The following TNFAIP8L3 variants were observed in gnomAD, a reference collection of about 807,000 sequenced individuals.
TNFAIP8L3 encodes the protein tumor necrosis factor alpha-induced protein 8-like protein 3.
In TNFAIP8L3, 7 loss-of-function variants were observed where a neutral mutation model predicts 11.8. The observed-to-expected ratio is 0.59, with a 90% CI of 0.34 to 1.11. The LOEUF (loss-of-function observed/expected upper bound fraction) is 1.11. TNFAIP8L3 is among the 50% of genes most tolerant of loss of function. The pLI, the probability that TNFAIP8L3 is intolerant of heterozygous loss-of-function variation, is 0.03. For synonymous variants in TNFAIP8L3, 98 were observed against 103.8 expected (o/e 0.94, Z 0.34); for missense variants, 219 against 258.6 (o/e 0.85, Z 1.05).
In TNFAIP8L3 at chr15:51,056,895, T is replaced by A. The variant is rs1047446604; in HGVS notation, c.*986A>T. 2.6e-5 allele frequency: 4 copies of A among 151,656 alleles called. No homozygotes were observed. Among genetic ancestry groups the A allele is most frequent in the African/African-American group, 4.9e-5 (2 of 41,184 alleles). 9.4% of individuals were successfully genotyped at this position (151,656 alleles called of 1,614,324 possible). ...CTAAGACCTCAAAAACACCTCTTTT[T>A]AAAAAAATTATTATTATTATTATTA... On this transcript the variant is annotated 3_prime_UTR_variant, in exon 2 of 2. Coordinates refer to ENST00000637513, the MANE Select transcript of TNFAIP8L3 (RefSeq NM_001311175.2).
intron 1 of TNFAIP8L3, among the ~76,000 whole-genome samples, chr15:51,061,262 C>G (rs1008027920): frequency 6.6e-6 from 1 of 152,130 alleles, no homozygotes; most frequent in Non-Finnish European, 1.5e-5. Flanking sequence ...TGTCTCAGCC[C>G]CAAGTAGCTG....
chr15:51,058,190 C>T lies in TNFAIP8L3; in HGVS notation c.306G>A (p.Leu102=), dbSNP rs752023620. 14 of 1,614,098 alleles carry T rather than the reference C, an allele frequency of 8.7e-6. No homozygotes were observed. In the East Asian group the frequency reaches 8.9e-5, roughly 10 times the overall value. The change falls in exon 2 of 2, where the codon CTG becomes CTA. Residue 102 remains leucine, a synonymous_variant. Transcript: ENST00000637513. ...TCTTCCGGAACTTCTCCACAATAAC[C>T]AGCTCCTCTTGGCTAAACTGGTTGT... ...YRNNQFSQEE[L]VIVEKFRKKL... is the part of the protein sequence containing the mutation.
At chr15:51,063,696 A>C (rs2065253580) in intron 1 of TNFAIP8L3, among the ~76,000 whole-genome samples, 1 of 152,236 alleles carries the variant, frequency 6.6e-6, no homozygotes, top group Non-Finnish European at 1.5e-5. Flanking sequence ...GGATATCCCG[A>C]GAAAAGTATT....
At chr15:51,064,335 C>A (rs909457783) in intron 1 of TNFAIP8L3, among the ~76,000 whole-genome samples, 1 of 152,082 alleles carries the variant, frequency 6.6e-6, no homozygotes, top group Non-Finnish European at 1.5e-5. Flanking sequence ...TTGTAGATGA[C>A]AATATATCAT....
chr15:51,067,628 G>A (rs1240067179), intron 1 of TNFAIP8L3, among the ~76,000 whole-genome samples: 1 of 152,210 alleles, frequency 6.6e-6, no homozygotes, highest in East Asian at 1.9e-4. Context: ...GTGGGGAGAG[G>A]TGCTTAGTCT....
intron 1 of TNFAIP8L3, among the ~76,000 whole-genome samples, chr15:51,100,704 A>G (rs562706311): frequency 1.3e-5 from 2 of 152,156 alleles, no homozygotes; most frequent in South Asian, 2.1e-4. Context: ...GGGAATCAAG[A>G]TGATGAAAGA....
chr15:51,083,267 C>T (rs2065404825), intron 1 of TNFAIP8L3, among the ~76,000 whole-genome samples: 1 of 152,106 alleles, frequency 6.6e-6, no homozygotes, highest in African/African-American at 2.4e-5. Context: ...AATATCACAC[C>T]ACTCCTCAAT....
rs1004636588 is a variant in TNFAIP8L3, at chr15:51,058,334, G to A, written c.162C>T (p.Ser54=). 14 of 1,613,978 alleles carry A rather than the reference G, an allele frequency of 8.7e-6. No individual in the cohort carries two copies. The highest frequency in any genetic ancestry group is 5.3e-5 in the African/African-American group (4 of 74,890). The stretch of plus-strand genomic sequence containing the variant: ...CTTTGTAGAGCTCATCAAAGATCTC[G>A]CTGCTGGTGTCATCAATCAACATGT... The part of the protein sequence containing the change: ...VANMLIDDTS[S]EIFDELYKVT... Residue 54 remains serine (S), a synonymous_variant, in exon 2 of 2, where the codon AGC becomes AGT. Coordinates refer to ENST00000637513, the MANE Select transcript of TNFAIP8L3 (RefSeq NM_001311175.2).
upstream of TNFAIP8L3, among the ~76,000 whole-genome samples, chr15:51,094,991 C>G (rs1449371260): frequency 6.6e-6 from 1 of 150,648 alleles, no homozygotes; most frequent in Non-Finnish European, 1.5e-5. This position sits in a 1 kb window ranked among gnomAD's most constrained non-coding sequence, Gnocchi z 4.4. Context: ...AGCCCTTGGA[C>G]TTGCCTCGCG....
chr15:51,069,625 T>G (rs1259847260), intron 1 of TNFAIP8L3: 3 of 152,222 alleles, frequency 2.0e-5, no homozygotes, highest in Non-Finnish European at 2.9e-5. Flanking sequence ...CAATTAATGA[T>G]AATGTCAGAG....
At chr15:51,071,924 T>G (rs1352309829) in intron 1 of TNFAIP8L3, among the ~76,000 whole-genome samples, 1 of 152,212 alleles carries the variant, frequency 6.6e-6, no homozygotes, top group African/African-American at 2.4e-5. Flanking sequence ...CTGGTGAGAG[T>G]CAATGTATTT....
Position 51,065,970 on chromosome 15 carries a change from T to G in TNFAIP8L3, c.53-7527A>C, listed in dbSNP as rs530265397. Among the ~76,000 whole-genome samples the G allele has an allele frequency of 1.7e-3, 262 of 150,250 alleles. 1 individual carries two copies. Among genetic ancestry groups the G allele is most frequent in the South Asian group, 3.6e-3 (17 of 4,742 alleles). On this transcript the variant is annotated intron_variant, in intron 1 of 1. Coordinates refer to ENST00000637513, the MANE Select transcript of TNFAIP8L3 (RefSeq NM_001311175.2). ...CAGGGGACCCAAAAGACAGGGAAGG[T>G]GGGAGGAAAGGCCCAAGGGGTGGGG...
chr15:51,071,113 T>C (rs2065306421), intron 1 of TNFAIP8L3, among the ~76,000 whole-genome samples: 1 of 127,298 alleles, frequency 7.9e-6, no homozygotes, highest in Non-Finnish European at 1.7e-5. Context: ...TTCAAACATA[T>C]AAATAGATAA....
At chr15:51,092,474 C>T (rs1477934516) in intron 1 of TNFAIP8L3, among the ~76,000 whole-genome samples, 1 of 152,342 alleles carries the variant, frequency 6.6e-6, no homozygotes, top group Non-Finnish European at 1.5e-5. Flanking sequence ...CAGGAGAATA[C>T]TTTAAGATGG....
intron 1 of TNFAIP8L3, among the ~76,000 whole-genome samples, chr15:51,080,389 C>T (rs148358190): frequency 1.2e-4 from 19 of 152,174 alleles, no homozygotes; most frequent in African/African-American, 4.6e-4. Flanking sequence ...GGTTCAAACA[C>T]ATCAACTAAT....
chr15:51,066,001 G>T (rs1401173154), intron 1 of TNFAIP8L3, among the ~76,000 whole-genome samples: 1 of 151,888 alleles, frequency 6.6e-6, no homozygotes, highest in East Asian at 1.9e-4. Context: ...TGGGGTAAGA[G>T]CCCTGGGCAG....
chr15:51,102,261 G>A lies in TNFAIP8L3; in HGVS notation c.172+2744C>T, dbSNP rs7183217. 7.8e-3 allele frequency among the ~76,000 whole-genome samples: 1,182 copies of A among 152,210 alleles called. 11 individuals carry two copies. Among genetic ancestry groups the A allele is most frequent in the African/African-American group, 0.027 (1,135 of 41,530 alleles). ...CATCTGATGCTGACTCTCCTCCTGCGCATGTCTTTAAAAGTATCCTCTCGT... is the reference window on the plus strand; with the variant it reads ...CATCTGATGCTGACTCTCCTCCTGCACATGTCTTTAAAAGTATCCTCTCGT... On this transcript the variant is annotated intron_variant, in intron 1 of 2. Coordinates refer to the TNFAIP8L3 transcript ENST00000327536.
At chr15:51,069,672 G>A (rs1161864421) in intron 1 of TNFAIP8L3, 1 of 152,196 alleles carries the variant, frequency 6.6e-6, no homozygotes, top group Non-Finnish European at 1.5e-5. Flanking sequence ...ACGCACATGA[G>A]GTGGTATATA....
chr15:51,074,903 C>T (rs1421794992), intron 1 of TNFAIP8L3, among the ~76,000 whole-genome samples: 2 of 152,216 alleles, frequency 1.3e-5, no homozygotes, highest in Non-Finnish European at 2.9e-5. Context: ...GCCCTCACAC[C>T]TAGCTCAGTG....
Sources: gnomAD v4.1 joint callset for allele counts (sites outside exome capture counted in the v4.1 genomes callset) on GRCh38, gnomAD v4.1.1 for gene constraint, Gnocchi (gnomAD v3.1) non-coding constraint, MANE v1.5 for transcripts, NCBI Gene and HGNC (gene_info 2026-07-23, HGNC 2026-07-21) for gene names.